ESF1: variants seen among roughly 807,000 people sequenced by gnomAD.
ESF1 encodes the protein ESF1 nucleolar pre-rRNA processing protein.
ESF1 carries 58 observed loss-of-function variants against 92.0 expected under a neutral mutation model. That is an observed-to-expected ratio of 0.63 (90% CI 0.51 to 0.78). The LOEUF is 0.78. Ranked by LOEUF, ESF1 falls within the 30% of genes least tolerant of loss-of-function variation. ESF1 has a pLI of 0.00. For missense variants in ESF1, 922 were observed against 989.1 expected, an observed-to-expected ratio of 0.93 and a Z score of 0.91; for synonymous variants, 321 against 313.7, an observed-to-expected ratio of 1.02 and a Z score of -0.24.
chr20:13,717,811 G>GAGA (rs1177045048), intron 12 of ESF1, among the ~76,000 whole-genome samples: 17 of 152,208 alleles, frequency 1.1e-4, no homozygotes, highest in Non-Finnish European at 1.2e-4. Context: ...GCAGGAACAA[G>GAGA]AGTCCCCAAC....
At chr20:13,773,512 G>A (rs777468356) in intron 4 of ESF1, among the ~76,000 whole-genome samples, 14 of 151,186 alleles carry the variant, frequency 9.3e-5, no homozygotes, top group East Asian at 1.9e-4. Flanking sequence ...CTAGAATTTC[G>A]CTGGAGCTAT....
chr20:13,765,092 G>A (rs1351750367), intron 8 of ESF1, among the ~76,000 whole-genome samples: 1 of 152,010 alleles, frequency 6.6e-6, no homozygotes, highest in African/African-American at 2.4e-5. Context: ...GCATGGTGGT[G>A]GGCACCCGCA....
intron 9 of ESF1, among the ~76,000 whole-genome samples, chr20:13,759,087 A>T (rs1261430100): frequency 1.3e-5 from 2 of 152,222 alleles, no homozygotes; most frequent in Admixed American, 6.5e-5. Context: ...AAAGTATCTT[A>T]TTGTACTATA....
chr20:13,738,944 T>G (rs1259212017), intron 9 of ESF1, among the ~76,000 whole-genome samples: 1 of 152,168 alleles, frequency 6.6e-6, no homozygotes, highest in Non-Finnish European at 1.5e-5. Flanking sequence ...ACTAGCCTTG[T>G]GAACAATAGT....
intron 9 of ESF1, among the ~76,000 whole-genome samples, chr20:13,753,357 C>T (rs1387092319): frequency 6.6e-6 from 1 of 150,662 alleles, no homozygotes; most frequent in Non-Finnish European, 1.5e-5. Flanking sequence ...TCCCACTGTC[C>T]CTGCGACTCA....
intron 9 of ESF1, among the ~76,000 whole-genome samples, chr20:13,756,236 T>C (rs534809017): frequency 1.6e-4 from 25 of 152,314 alleles, no homozygotes; most frequent in African/African-American, 6.0e-4. Flanking sequence ...CTTATATGTA[T>C]AGCACACAGA....
rs763212681 is a variant in ESF1, at chr20:13,771,314, T to C, written c.1403+17A>G. ...TTGTACTAAAAGATTAAATTGGTAA[T>C]ACATACACTGGATTACCTTAGATCT... is the stretch of plus-strand genomic sequence containing the variant. On this transcript the variant is annotated intron_variant, in intron 6 of 13. Transcript: ENST00000617257. 2 of 1,602,538 alleles carry C rather than the reference T, an allele frequency of 1.2e-6. No individual in the cohort carries two copies. Among genetic ancestry groups the C allele is most frequent in the South Asian group, 1.1e-5 (1 of 90,646 alleles).
rs1302210429 is a variant in ESF1 at position 13,759,698 on chromosome 20, C to G, written c.1822G>C (p.Val608Leu). The change falls in exon 9 of 14, where the codon GTT (valine) becomes CTT (leucine). Residue 608 changes from valine to leucine, a missense_variant. Val to Leu is a conservative substitution (Grantham distance 32, BLOSUM62 1). Transcript: ENST00000617257. The stretch of plus-strand genomic sequence containing the variant: ...TTTAGTATCTAATTCTTACCTGGAA[C>G]CCATTTAATTTCCATTTCCATATCA... ...ENDMEMEIKW[V>L]PGLKESAEEM... The G allele has an allele frequency of 3.8e-6, 6 of 1,576,314 alleles. No individual in the cohort carries two copies. The highest frequency in any genetic ancestry group is 4.2e-5 in the Admixed American group (2 of 47,746).
At chr20:13,774,514 G>T (rs1166495114) in intron 4 of ESF1, among the ~76,000 whole-genome samples, 2 of 152,172 alleles carry the variant, frequency 1.3e-5, no homozygotes, top group Non-Finnish European at 2.9e-5. Context: ...CTTAGTTCAA[G>T]CTCCTTTATA....
In ESF1 at chr20:13,782,684, T is replaced by A. The variant is rs1980257766; in HGVS notation, c.457A>T (p.Ser153Cys). 1 of 1,595,164 alleles carries A rather than the reference T, an allele frequency of 6.3e-7. No homozygotes were observed. The highest frequency in any genetic ancestry group is 8.5e-7 in the Non-Finnish European group (1 of 1,174,474). The change falls in exon 2 of 14, where the codon AGT becomes TGT. Residue 153 changes from serine to cysteine, a missense_variant. Physicochemically the swap from Ser to Cys is moderately radical, Grantham distance 112. Transcript: ENST00000617257. ...AATTCTTTGCTATCCTTCTTCGGAC[T>A]TATGTTTGAATCTATCTTAAATTTA... is the stretch of plus-strand genomic sequence containing the variant. ...SCKFKIDSNI[S>C]PKKDSKEFTQ... is the part of the protein sequence containing the mutation.
chr20:13,740,837 T>A (rs1232704449), intron 9 of ESF1, among the ~76,000 whole-genome samples: 1 of 152,172 alleles, frequency 6.6e-6, no homozygotes, highest in East Asian at 1.9e-4. Flanking sequence ...ATACTTGTTC[T>A]TTAGTCACAC....
At position 13,769,984 on chromosome 20, in the gene ESF1, T is replaced by A; in HGVS notation, c.1441A>T (p.Lys481Ter). ...PDDITFDDEP[K>*]DVASEVNLTA... ...AAATTCACTTCTGAGGCTACATCCT[T>A]AGGCTCATCATCAAAAGTAATATCA... is the stretch of plus-strand genomic sequence containing the variant. Residue 481 changes from lysine (K) to a stop codon, truncating the protein, a stop_gained, in exon 7 of 14, where the codon AAG becomes TAG. Transcript: ENST00000617257. LOFTEE classifies it high-confidence loss of function. 1 of 1,610,924 alleles carries A rather than the reference T, an allele frequency of 6.2e-7. No individual in the cohort carries two copies. Among genetic ancestry groups the A allele is most frequent in the Non-Finnish European group, 8.5e-7 (1 of 1,179,390 alleles).
At chr20:13,753,157 A>T (rs909229808) in intron 9 of ESF1, among the ~76,000 whole-genome samples, 2 of 152,056 alleles carry the variant, frequency 1.3e-5, no homozygotes, top group African/African-American at 4.8e-5. Context: ...ACAATTTCCA[A>T]ATCATTCCTT....
At chr20:13,767,363 C>A (rs950539572) in intron 7 of ESF1, among the ~76,000 whole-genome samples, 1 of 151,958 alleles carries the variant, frequency 6.6e-6, no homozygotes, top group Non-Finnish European at 1.5e-5. Flanking sequence ...CCCATCTCTA[C>A]ATGAAAAATT....
intron 5 of ESF1, among the ~76,000 whole-genome samples, chr20:13,771,911 TC>T (rs542042505): frequency 8.8e-5 from 9 of 101,868 alleles, no homozygotes; most frequent in Non-Finnish European, 1.5e-4. Context: ...TACAACACAT[TC>T]TTTTTTTTTT....
intron 11 of ESF1, among the ~76,000 whole-genome samples, chr20:13,727,823 G>T (rs1184699959): frequency 2.6e-5 from 4 of 152,148 alleles, no homozygotes; most frequent in Non-Finnish European, 5.9e-5. Context: ...CTATAATTAA[G>T]CATAATGAGT....
At chr20:13,758,344 C>T (rs1978994295) in intron 9 of ESF1, among the ~76,000 whole-genome samples, 1 of 152,176 alleles carries the variant, frequency 6.6e-6, no homozygotes, top group Admixed American at 6.5e-5. Flanking sequence ...TATGATACAC[C>T]AGTAAACTTC....
chr20:13,776,590 A>C (rs1979954257), intron 2 of ESF1, among the ~76,000 whole-genome samples: 1 of 152,200 alleles, frequency 6.6e-6, no homozygotes, highest in Non-Finnish European at 1.5e-5. Flanking sequence ...CTCAATATAC[A>C]ACAGTTGGTA....
intron 9 of ESF1, among the ~76,000 whole-genome samples, chr20:13,757,204 C>A (rs1367118226): frequency 6.6e-6 from 1 of 152,112 alleles, no homozygotes; most frequent in African/African-American, 2.4e-5. Flanking sequence ...AACTACAGAT[C>A]ATATTCCTCT....
Sources: gnomAD v4.1 joint callset for allele counts (sites outside exome capture counted in the v4.1 genomes callset) on GRCh38, gnomAD v4.1.1 for gene constraint, MANE v1.5 for transcripts, NCBI Gene and HGNC (gene_info 2026-07-23, HGNC 2026-07-21) for gene names.